Variants in DENND5A observed in about 807,000 individuals in gnomAD.
DENND5A encodes the protein DENN domain-containing protein 5A.
Under a neutral mutation model 140.3 loss-of-function variants are expected in DENND5A, and 64 were observed. The ratio of observed to expected loss-of-function variants is 0.46; its 90% CI spans 0.37 to 0.56. DENND5A has a LOEUF of 0.56. Ranked by LOEUF, DENND5A falls within the 20% of genes least tolerant of loss-of-function variation. The pLI is 0.00. For synonymous variants in DENND5A, 605 were observed against 607.7 expected (o/e 1.00, Z 0.07); for missense variants, 1,292 against 1,593.8 (o/e 0.81, Z 3.22).
chr11:9,184,127 C>T (rs550699335), intron 5 of DENND5A, among the ~76,000 whole-genome samples: 3 of 151,800 alleles, frequency 2.0e-5, no homozygotes, highest in Admixed American at 6.6e-5. Flanking sequence ...CCGAGGCGGG[C>T]GCATCACAAG....
At chr11:9,165,118 G>A (rs1193816432) in intron 11 of DENND5A, among the ~76,000 whole-genome samples, 1 of 151,998 alleles carries the variant, frequency 6.6e-6, no homozygotes, top group African/African-American at 2.4e-5. Context: ...TCCTGCCTCA[G>A]TCTCCCAAGT....
At chr11:9,157,335 T>C (rs1008624647) in intron 12 of DENND5A, among the ~76,000 whole-genome samples, 3 of 152,226 alleles carry the variant, frequency 2.0e-5, no homozygotes, top group Admixed American at 1.3e-4. Flanking sequence ...TTAATTCTTT[T>C]AACTTTTATT....
At chr11:9,226,162 C>T (rs1850520864) in intron 1 of DENND5A, among the ~76,000 whole-genome samples, 2 of 152,168 alleles carry the variant, frequency 1.3e-5, no homozygotes, top group African/African-American at 4.8e-5. Context: ...CAGATTATAT[C>T]ATTAATAAGC....
intron 5 of DENND5A, among the ~76,000 whole-genome samples, chr11:9,191,267 TG>T (rs1254753283): frequency 1.3e-5 from 2 of 151,916 alleles, no homozygotes; most frequent in African/African-American, 4.8e-5. Context: ...TGGAGTGCAG[TG>T]GCGCGATCCA....
chr11:9,234,887 C>A (rs1478398706), intron 1 of DENND5A, among the ~76,000 whole-genome samples: 1 of 152,146 alleles, frequency 6.6e-6, no homozygotes, highest in South Asian at 2.1e-4. Flanking sequence ...AATCTCTGTT[C>A]AAGGCTCTCA....
Position 9,248,428 on chromosome 11 carries a change from A to T in DENND5A, c.109+16533T>A, listed in dbSNP as rs182777780. ...GAGAGAGAGAAGCTGAGGTAGGAGG[A>T]TCCCTTGAGCCCAGGAGTTCAAGAC... On this transcript the variant is annotated intron_variant, in intron 1 of 22. Coordinates refer to ENST00000328194, the MANE Select transcript of DENND5A (RefSeq NM_015213.4). Among the ~76,000 whole-genome samples, 479 of 152,046 alleles carry T rather than the reference A, an allele frequency of 3.2e-3. 4 individuals carry two copies. The highest frequency in any genetic ancestry group is 3.3e-3 in the Non-Finnish European group (226 of 67,986).
chr11:9,190,091 G>A (rs568291537), intron 5 of DENND5A, among the ~76,000 whole-genome samples: 142 of 152,314 alleles, frequency 9.3e-4, no homozygotes, highest in African/African-American at 3.3e-3. Flanking sequence ...CTCTCATTTG[G>A]AATGGCAATA....
At chr11:9,242,130 G>C (rs77492017) in intron 1 of DENND5A, among the ~76,000 whole-genome samples, 10,117 of 150,968 alleles carry the variant, frequency 0.067, 465 homozygotes, top group Non-Finnish European at 0.1. Context: ...AACATACTAT[G>C]TAAATTACTG....
intron 1 of DENND5A, among the ~76,000 whole-genome samples, chr11:9,255,981 G>C (rs963528128): frequency 6.7e-6 from 1 of 149,914 alleles, no homozygotes; most frequent in African/African-American, 2.5e-5. Flanking sequence ...AGCCAAGATC[G>C]CGCCATTGCA....
intron 5 of DENND5A, among the ~76,000 whole-genome samples, chr11:9,183,069 T>C (rs1848787427): frequency 6.6e-6 from 1 of 152,262 alleles, no homozygotes; most frequent in Non-Finnish European, 1.5e-5. Flanking sequence ...AAAATGTGTG[T>C]GTACATATAT....
rs1487645115 is a variant in DENND5A, at chr11:9,144,980, T to C, written c.3122+15A>G. On this transcript the variant is annotated intron_variant, in intron 18 of 22. Coordinates refer to ENST00000328194, the MANE Select transcript of DENND5A (RefSeq NM_015213.4). ...CACCTTGCCCCTCTACCTTACAGCC[T>C]GAGGGTATACTTACTTGTAGGTATG... 1.9e-6 allele frequency: 3 copies of C among 1,560,052 alleles called. No individual in the cohort carries two copies. In the Admixed American group the frequency reaches 5.0e-5, roughly 26 times the overall value.
chr11:9,259,590 C>A (rs888267304), intron 1 of DENND5A, among the ~76,000 whole-genome samples: 1 of 150,996 alleles, frequency 6.6e-6, no homozygotes, highest in Admixed American at 6.6e-5. Flanking sequence ...AAACAAACAA[C>A]AAAAAAACAG....
At chr11:9,150,512 T>C (rs1847580690) in intron 14 of DENND5A, among the ~76,000 whole-genome samples, 168 bp downstream of exon 14, 1 of 152,216 alleles carries the variant, frequency 6.6e-6, no homozygotes, top group African/African-American at 2.4e-5. Context: ...CAACGGTTTG[T>C]ACAGCTTTAC....
chr11:9,259,950 C>G (rs2014868), intron 1 of DENND5A, among the ~76,000 whole-genome samples: 99,793 of 148,990 alleles, frequency 0.67, 34,327 homozygotes, highest in East Asian at 0.99. Context: ...ATCACTTGAA[C>G]CAGACAGGCA....
At chr11:9,229,051 G>C (rs577192103) in intron 1 of DENND5A, among the ~76,000 whole-genome samples, 1 of 152,216 alleles carries the variant, frequency 6.6e-6, no homozygotes, top group Non-Finnish European at 1.5e-5. Context: ...GGCATCTGAA[G>C]TGGGGACAGT....
At chr11:9,186,251 A>G (rs1362060746) in intron 5 of DENND5A, among the ~76,000 whole-genome samples, 1 of 152,206 alleles carries the variant, frequency 6.6e-6, no homozygotes, top group Non-Finnish European at 1.5e-5. Flanking sequence ...AAGGCCAATA[A>G]ATGTTTAACT....
intron 4 of DENND5A, among the ~76,000 whole-genome samples, chr11:9,197,391 G>T (rs1321123631): frequency 6.7e-6 from 1 of 148,588 alleles, no homozygotes; most frequent in Non-Finnish European, 1.5e-5. Flanking sequence ...CTCAGGGATA[G>T]GATACTAGAT....
intron 5 of DENND5A, among the ~76,000 whole-genome samples, chr11:9,186,124 A>C (rs1848905618): frequency 6.6e-6 from 1 of 152,210 alleles, no homozygotes; most frequent in African/African-American, 2.4e-5. Flanking sequence ...TCTGTCTACC[A>C]ATCTATAACT....
rs761869346 is a variant in DENND5A at position 9,206,654 on chromosome 11, G to C, written c.291+19C>G. On this transcript the variant is annotated intron_variant, in intron 3 of 22. Transcript: ENST00000328194. Reference sequence around the variant, plus strand: ...TTACTCTGTAAATTATCTCATACTTGTGGCTAACAAATACCAACCATTCCT... The same window carrying C: ...TTACTCTGTAAATTATCTCATACTTCTGGCTAACAAATACCAACCATTCCT... 8 of 1,524,010 alleles carry C rather than the reference G, an allele frequency of 5.2e-6. No homozygotes were observed. Among genetic ancestry groups the C allele is most frequent in the Non-Finnish European group, 5.5e-6 (6 of 1,098,410 alleles). 94.4% of individuals were successfully genotyped at this position (1,524,010 alleles called of 1,614,324 possible). A position where few individuals can be genotyped will look rare whatever the true frequency, so the allele number is the denominator to read the frequency against.
Sources: allele counts gnomAD v4.1 joint callset (sites outside exome capture counted in the v4.1 genomes callset), GRCh38; gene constraint gnomAD v4.1.1; transcripts MANE v1.5; gene names NCBI Gene and HGNC (gene_info 2026-07-23, HGNC 2026-07-21).